Variants in MYO1E observed in about 807,000 individuals in gnomAD.
MYO1E encodes unconventional myosin-Ie.
Under a neutral mutation model 151.1 loss-of-function variants are expected in MYO1E, and 68 were observed. The observed-to-expected ratio is 0.45, with a 90% confidence interval of 0.37 to 0.55. The LOEUF is 0.55. Among genes scored for constraint, MYO1E ranks in the 20% least tolerant of loss-of-function variants. The probability of loss-of-function intolerance (pLI) is 0.00; values close to 1 mark genes in which losing one functional copy is unlikely to be tolerated. For synonymous variants in MYO1E, 601 were observed against 501.7 expected, an observed-to-expected ratio of 1.20 and a Z score of -2.64; for missense variants, 1,363 against 1,389.3, an observed-to-expected ratio of 0.98 and a Z score of 0.30.
intron 16 of MYO1E, among the ~76,000 whole-genome samples, chr15:59,198,568 C>T (rs2140331819): frequency 6.6e-6 from 1 of 152,272 alleles, no homozygotes; most frequent in Middle Eastern, 3.4e-3. Flanking sequence ...GTAATCTCAG[C>T]ACTTCGGGAG....
At chr15:59,371,511 C>A (rs1379098803) in intron 1 of MYO1E, among the ~76,000 whole-genome samples, 1 of 151,694 alleles carries the variant, frequency 6.6e-6, no homozygotes, top group East Asian at 1.9e-4. Flanking sequence ...GAAAAGTACA[C>A]CACGCCAAAG....
chr15:59,340,662 A>T (rs1209698342), intron 1 of MYO1E, among the ~76,000 whole-genome samples: 1 of 152,202 alleles, frequency 6.6e-6, no homozygotes, highest in East Asian at 1.9e-4. Context: ...TTGGACATTT[A>T]ATGTCCAAAG....
chr15:59,223,575 T>A (rs1350391455), intron 8 of MYO1E, among the ~76,000 whole-genome samples: 1 of 152,208 alleles, frequency 6.6e-6, no homozygotes. Context: ...CCTGTCTTCA[T>A]CCTTTGATGT....
chr15:59,209,834 T>C (rs1458700233), intron 13 of MYO1E, among the ~76,000 whole-genome samples: 1 of 114,840 alleles, frequency 8.7e-6, no homozygotes. Flanking sequence ...TTTTTTTTTT[T>C]TTTTTTTTTT....
chr15:59,243,851 G>A (rs1264228918), intron 4 of MYO1E, among the ~76,000 whole-genome samples: 1 of 151,806 alleles, frequency 6.6e-6, no homozygotes, highest in African/African-American at 2.4e-5. Flanking sequence ...CCACATCAAA[G>A]AAGGTCCTGG....
At chr15:59,178,588 G>A in intron 18 of MYO1E, 51 bp from the exon 19 acceptor site, 1 of 1,600,020 alleles carries the variant, frequency 6.2e-7, no homozygotes, top group South Asian at 1.1e-5. Flanking sequence ...GACCGCACTG[G>A]TTTTCTACCC....
Position 59,282,657 on chromosome 15 carries a change from A to G in MYO1E, c.4-10208T>C, listed in dbSNP as rs548385238. Among the ~76,000 whole-genome samples, 476 of 150,894 alleles carry G rather than the reference A, an allele frequency of 3.2e-3. 4 individuals carry two copies. The highest frequency in any genetic ancestry group is 0.011 in the African/African-American group (460 of 41,082). ...GCCCGGGAGTTAGAGGCCAGCCTGG[A>G]CAACATAGCGAGACCCCATCTCTAC... On this transcript the variant is annotated intron_variant, in intron 1 of 27. Coordinates refer to ENST00000288235, the MANE Select transcript of MYO1E (RefSeq NM_004998.4).
intron 1 of MYO1E, among the ~76,000 whole-genome samples, chr15:59,358,384 T>C (rs2080866700): frequency 1.3e-5 from 2 of 152,202 alleles, no homozygotes; most frequent in African/African-American, 4.8e-5. Context: ...CTCCTCATCC[T>C]TTCCAAGTCC....
At position 59,226,790 on chromosome 15, in the gene MYO1E, G is replaced by C. The variant is rs895875380; in HGVS notation, c.642+669C>G. On this transcript the variant is annotated intron_variant, in intron 7 of 27. Coordinates refer to ENST00000288235, the MANE Select transcript of MYO1E (RefSeq NM_004998.4). ...CCACTGCACTCCAGCCTGGGCAAGA[G>C]AGCAAGACACTGTCTCAAATAAAAA... Among the ~76,000 whole-genome samples the C allele has an allele frequency of 9.8e-5, 15 of 152,314 alleles. No homozygotes were observed. In the South Asian group the frequency reaches 2.9e-3, roughly 29 times the overall value.
intron 10 of MYO1E, among the ~76,000 whole-genome samples, chr15:59,215,085 T>C (rs1378907136): frequency 6.6e-6 from 1 of 152,200 alleles, no homozygotes; most frequent in Non-Finnish European, 1.5e-5. Flanking sequence ...CTAAAGGATC[T>C]GTAATTGTCA....
chr15:59,366,302 C>CTCTCGT (rs1278692851), intron 1 of MYO1E, among the ~76,000 whole-genome samples: 12 of 145,912 alleles, frequency 8.2e-5, no homozygotes, highest in Non-Finnish European at 7.6e-5. Context: ...TTTTTTCTCT[C>CTCTCGT]TCTCTCTTTC....
intron 18 of MYO1E, among the ~76,000 whole-genome samples, chr15:59,185,445 T>C (rs1380971423): frequency 6.6e-6 from 1 of 152,218 alleles, no homozygotes; most frequent in East Asian, 1.9e-4. Flanking sequence ...TTTTTGTATT[T>C]TTAGTAGAGA....
chr15:59,334,220 G>T (rs562147047), intron 1 of MYO1E, among the ~76,000 whole-genome samples: 1 of 152,174 alleles, frequency 6.6e-6, no homozygotes, highest in Non-Finnish European at 1.5e-5. Context: ...GGTCAAGGCT[G>T]CAGTGAACCA....
intron 1 of MYO1E, among the ~76,000 whole-genome samples, chr15:59,339,837 A>G (rs1278338731): frequency 6.9e-6 from 1 of 144,604 alleles, no homozygotes; most frequent in Non-Finnish European, 1.5e-5. Flanking sequence ...AATTTTATAT[A>G]TACATACTTT....
At position 59,209,445 on chromosome 15, in the gene MYO1E, A is replaced by AG. The variant is rs538889288; in HGVS notation, c.1363-598dup. On this transcript the variant is annotated intron_variant, in intron 13 of 27. Transcript: ENST00000288235. Reference sequence around the variant, plus strand: ...GTAATCCCAGCAATTTAGGAGGCCGAGGGGGGTGGATCACGAGGTCAGGAG... The same window carrying AG: ...GTAATCCCAGCAATTTAGGAGGCCGAGGGGGGGTGGATCACGAGGTCAGGAG... Among the ~76,000 whole-genome samples, 396 of 134,368 alleles carry AG rather than the reference A, an allele frequency of 2.9e-3. 1 individual carries two copies. Among genetic ancestry groups the AG allele is most frequent in the African/African-American group, 8.7e-3 (328 of 37,558 alleles). 88.2% of individuals were successfully genotyped at this position (134,368 alleles called of 152,430 possible). A position where few individuals can be genotyped will look rare whatever the true frequency, so the allele number is the denominator to read the frequency against.
At chr15:59,364,820 G>A (rs984563705) in intron 1 of MYO1E, among the ~76,000 whole-genome samples, 2 of 151,862 alleles carry the variant, frequency 1.3e-5, no homozygotes, top group Non-Finnish European at 2.9e-5. Context: ...CAGGAGAATC[G>A]CTTGAAACTG....
chr15:59,236,016 T>C (rs1388492806), intron 5 of MYO1E, among the ~76,000 whole-genome samples: 1 of 152,200 alleles, frequency 6.6e-6, no homozygotes, highest in East Asian at 1.9e-4. Flanking sequence ...TTTGGGCTGC[T>C]GATCTTTTTA....
In MYO1E at chr15:59,136,818, G is replaced by A; in HGVS notation, c.*562C>T. 2.2e-6 allele frequency: 1 copy of A among 454,674 alleles called. No homozygotes were observed. Among genetic ancestry groups the A allele is most frequent in the South Asian group, 1.6e-5 (1 of 64,456 alleles). 28.2% of individuals were successfully genotyped at this position (454,674 alleles called of 1,614,324 possible). A position where few individuals can be genotyped will look rare whatever the true frequency, so the allele number is the denominator to read the frequency against. On this transcript the variant is annotated 3_prime_UTR_variant, in exon 28 of 28. Coordinates refer to ENST00000288235, the MANE Select transcript of MYO1E (RefSeq NM_004998.4). ...GATGGTCCCGGCAAAGTGTAAACCA[G>A]TGCCCCTCTGTCGCCCTGGGCTCAG...
At chr15:59,229,147 T>C (rs1165906371) in intron 6 of MYO1E, among the ~76,000 whole-genome samples, 3 of 152,048 alleles carry the variant, frequency 2.0e-5, no homozygotes, top group Admixed American at 6.5e-5. Context: ...TCCTCAACAG[T>C]TGAGGGAAAA....
Sources: gnomAD v4.1 joint callset for allele counts (sites outside exome capture counted in the v4.1 genomes callset) on GRCh38, gnomAD v4.1.1 for gene constraint, MANE v1.5 for transcripts, NCBI Gene and HGNC (gene_info 2026-07-23, HGNC 2026-07-21) for gene names.